Variants in ATG10 observed in about 807,000 individuals in gnomAD.
The protein encoded by ATG10 is autophagy related 10.
Under a neutral mutation model 32.1 loss-of-function variants are expected in ATG10, and 30 were observed. The observed-to-expected ratio is 0.94, with a 90% CI of 0.70 to 1.27. The LOEUF (loss-of-function observed/expected upper bound fraction) is 1.27, where lower values mean the gene tolerates loss of function less well. Ranked by LOEUF, ATG10 falls within the 50% of genes most tolerant of loss-of-function variation. The pLI, the probability that ATG10 is intolerant of heterozygous loss-of-function variation, is 0.00. For missense variants in ATG10, 233 were observed against 262.3 expected (o/e 0.89, Z 0.77); for synonymous variants, 87 against 91.5 (o/e 0.95, Z 0.28).
chr5:82,245,838 GC>G (rs1747006644), intron 5 of ATG10, among the ~76,000 whole-genome samples: 1 of 151,862 alleles, frequency 6.6e-6, no homozygotes, highest in Admixed American at 6.6e-5. Flanking sequence ...GGCTAATTTC[GC>G]CACAACTAAA....
intron 3 of ATG10, among the ~76,000 whole-genome samples, chr5:82,123,361 A>C (rs1251544171): frequency 6.6e-6 from 1 of 152,128 alleles, no homozygotes; most frequent in African/African-American, 2.4e-5. Flanking sequence ...ACTGGGTTCT[A>C]CTTGAGGGTG....
intron 4 of ATG10, among the ~76,000 whole-genome samples, chr5:82,177,810 A>G (rs546327768): frequency 7.9e-5 from 12 of 151,970 alleles, no homozygotes; most frequent in Non-Finnish European, 1.6e-4. Context: ...CTTCATGCCA[A>G]CCCCGTTCTC....
chr5:81,983,584 G>T (rs564097643), intron 1 of ATG10, among the ~76,000 whole-genome samples: 12 of 149,400 alleles, frequency 8.0e-5, no homozygotes, highest in Admixed American at 5.9e-4. Flanking sequence ...CAGTAGGGGC[G>T]GCCGGGCAGA....
chr5:82,135,560 T>C (rs1394611872), intron 3 of ATG10, among the ~76,000 whole-genome samples: 2 of 152,248 alleles, frequency 1.3e-5, no homozygotes, highest in Non-Finnish European at 2.9e-5. Context: ...TCCTGAGTTC[T>C]AATTTGTTTG....
At chr5:82,182,620 G>T (rs2149930687) in intron 5 of ATG10, among the ~76,000 whole-genome samples, 1 of 152,258 alleles carries the variant, frequency 6.6e-6, no homozygotes, top group African/African-American at 2.4e-5. Context: ...GGCAATCCCA[G>T]AAGTTGCAGA....
rs376821435 is a variant in ATG10 at position 81,993,336 on chromosome 5, C to CTTCTTTCT, written c.108+5674_108+5681dup. Among the ~76,000 whole-genome samples, 228 of 77,706 alleles carry CTTCTTTCT rather than the reference C, an allele frequency of 2.9e-3. 3 individuals are homozygous for CTTCTTTCT. Among genetic ancestry groups the CTTCTTTCT allele is most frequent in the Non-Finnish European group, 1.7e-3 (72 of 42,292 alleles). The allele number at this position is 77,706 out of a possible 152,430, so 51.0% of individuals were successfully genotyped here. ...CTTTCTTTCTTTCTTTCCTTCCTTC[C>CTTCTTTCT]TTCTTTCTTTCTTTCTTTCTTTCCT... On this transcript the variant is annotated intron_variant, in intron 2 of 7. Coordinates refer to ENST00000282185, the MANE Select transcript of ATG10 (RefSeq NM_031482.5).
chr5:82,129,165 G>A (rs781261551), intron 3 of ATG10, among the ~76,000 whole-genome samples: 41 of 151,596 alleles, frequency 2.7e-4, no homozygotes, highest in South Asian at 8.3e-4. Flanking sequence ...TATGCTTCAC[G>A]AAGTTCTCAT....
intron 3 of ATG10, chr5:82,147,250 C>A: frequency 8.5e-6 from 2 of 234,424 alleles, no homozygotes; most frequent in Non-Finnish European, 1.8e-5. Flanking sequence ...CTCACTGCAA[C>A]CTCCGCCTTC....
intron 3 of ATG10, among the ~76,000 whole-genome samples, chr5:82,112,208 C>G (rs903430012): frequency 2.0e-5 from 3 of 151,868 alleles, no homozygotes; most frequent in Admixed American, 6.6e-5. Context: ...AGAAAGATGT[C>G]CACTGCATCT....
At position 82,188,881 on chromosome 5, in the gene ATG10, A is replaced by G. The variant is rs574549575; in HGVS notation, c.453+10294A>G. On this transcript the variant is annotated intron_variant, in intron 5 of 7. Transcript: ENST00000282185. ...AGTTATTGCACATTATTTTCTTCCC[A>G]CTTTCTACTCCCTTCAACTTCTCTT... Among the ~76,000 whole-genome samples, 175 of 151,630 alleles carry G rather than the reference A, an allele frequency of 1.2e-3. 2 individuals carry two copies. The highest frequency in any genetic ancestry group is 2.4e-3 in the Admixed American group (36 of 15,224).
chr5:82,171,849 A>G (rs1051674340), intron 4 of ATG10, among the ~76,000 whole-genome samples: 2 of 152,242 alleles, frequency 1.3e-5, no homozygotes, highest in Non-Finnish European at 2.9e-5. Flanking sequence ...ATATTTATAC[A>G]TAAGGCATGG....
chr5:82,098,367 A>G (rs1006934160), intron 3 of ATG10, among the ~76,000 whole-genome samples: 1 of 140,476 alleles, frequency 7.1e-6, no homozygotes, highest in Non-Finnish European at 1.5e-5. Flanking sequence ...GCTGGGGTAC[A>G]GTGGTGCTAT....
chr5:82,135,427 C>G (rs1256493039), intron 3 of ATG10, among the ~76,000 whole-genome samples: 1 of 152,260 alleles, frequency 6.6e-6, no homozygotes, highest in African/African-American at 2.4e-5. Flanking sequence ...TACATTGTAT[C>G]TTTGTTCTCA....
intron 3 of ATG10, among the ~76,000 whole-genome samples, chr5:82,136,174 A>G (rs1315094971): frequency 1.3e-5 from 2 of 152,016 alleles, no homozygotes; most frequent in Non-Finnish European, 2.9e-5. Flanking sequence ...TTGACTCTTT[A>G]TCCAATTTAC....
At chr5:82,176,904 T>C (rs1581772748) in intron 4 of ATG10, among the ~76,000 whole-genome samples, 1 of 152,296 alleles carries the variant, frequency 6.6e-6, no homozygotes, top group Middle Eastern at 3.4e-3. Flanking sequence ...AAATATTCTA[T>C]TGCTATTTAT....
At chr5:82,178,810 A>G (rs951582030) in intron 5 of ATG10, among the ~76,000 whole-genome samples, 4 of 152,104 alleles carry the variant, frequency 2.6e-5, no homozygotes, top group African/African-American at 9.7e-5. Flanking sequence ...ATTATCCTTT[A>G]GAATGCTTAT....
intron 2 of ATG10, among the ~76,000 whole-genome samples, chr5:81,991,320 T>G (rs1761447840): frequency 6.6e-6 from 1 of 152,052 alleles, no homozygotes; most frequent in Non-Finnish European, 1.5e-5. Flanking sequence ...AGAAATTTAT[T>G]TTTTTTTAAA....
chr5:82,155,717 C>T (rs1367319423), intron 3 of ATG10, among the ~76,000 whole-genome samples: 2 of 152,154 alleles, frequency 1.3e-5, no homozygotes, highest in African/African-American at 4.8e-5. Flanking sequence ...TCTTAATCTT[C>T]TGCAAGGATA....
At chr5:82,001,473 T>C (rs570361273) in intron 2 of ATG10, among the ~76,000 whole-genome samples, 19 of 152,084 alleles carry the variant, frequency 1.2e-4, no homozygotes, top group Non-Finnish European at 2.4e-4. Flanking sequence ...TGAAACAGAA[T>C]GGAGAACCCA....
Sources: allele counts gnomAD v4.1 joint callset (sites outside exome capture counted in the v4.1 genomes callset), GRCh38; gene constraint gnomAD v4.1.1; transcripts MANE v1.5; gene names NCBI Gene and HGNC (gene_info 2026-07-23, HGNC 2026-07-21).